Variants in AGMO observed in about 807,000 individuals in gnomAD.
The protein encoded by AGMO is alkylglycerol monooxygenase.
In AGMO, 75 loss-of-function variants were observed where a neutral mutation model predicts 60.2. The observed-to-expected ratio is 1.25, with a 90% CI of 1.03 to 1.51. AGMO has a LOEUF of 1.51. Ranked by LOEUF, AGMO falls within the 40% of genes most tolerant of loss-of-function variation. The pLI is 0.00. For missense variants in AGMO, 763 were observed against 525.5 expected (o/e 1.45, Z -4.42); for synonymous variants, 261 against 177.1 (o/e 1.47, Z -3.76).
intron 2 of AGMO, among the ~76,000 whole-genome samples, chr7:15,545,217 A>G (rs1784744627): frequency 6.6e-6 from 1 of 152,152 alleles, no homozygotes. Flanking sequence ...TTTTTCATGG[A>G]ACCCATACAA....
intron 12 of AGMO, among the ~76,000 whole-genome samples, chr7:15,246,059 G>A (rs554616931): frequency 6.6e-6 from 1 of 151,802 alleles, no homozygotes; most frequent in Non-Finnish European, 1.5e-5. Flanking sequence ...TTAAAAAAAA[G>A]CTGATTAAAT....
intron 5 of AGMO, among the ~76,000 whole-genome samples, chr7:15,394,391 T>C (rs1784284676): frequency 6.6e-6 from 1 of 152,090 alleles, no homozygotes; most frequent in Admixed American, 6.5e-5. Context: ...GCATGGTGAG[T>C]ATGGTGTCGT....
At position 15,226,368 on chromosome 7, in the gene AGMO, A is replaced by G. The variant is rs187506058; in HGVS notation, c.1264-25009T>C. Among the ~76,000 whole-genome samples, 172 of 152,248 alleles carry G rather than the reference A, an allele frequency of 1.1e-3. 2 individuals are homozygous for G. The highest frequency in any genetic ancestry group is 2.0e-3 in the Non-Finnish European group (135 of 67,990). On this transcript the variant is annotated intron_variant, in intron 12 of 12. Transcript: ENST00000342526. ...TAGCCATGTCAGACATGACCTTAGAAAAGTCAGTTAAGCTTTAAGATGACA... is the reference window on the plus strand; with the variant it reads ...TAGCCATGTCAGACATGACCTTAGAGAAGTCAGTTAAGCTTTAAGATGACA...
intron 5 of AGMO, among the ~76,000 whole-genome samples, chr7:15,407,214 G>T (rs2128491399): frequency 8.6e-6 from 1 of 115,614 alleles, no homozygotes; most frequent in South Asian, 2.9e-4. Context: ...GACTTGAAAG[G>T]CCCCTTTCTT....
intron 12 of AGMO, among the ~76,000 whole-genome samples, chr7:15,241,925 T>C (rs1163558139): frequency 6.6e-6 from 1 of 152,162 alleles, no homozygotes; most frequent in Non-Finnish European, 1.5e-5. Flanking sequence ...CTGAGTTTCC[T>C]GTTGCTGGCT....
At chr7:15,171,625 T>C in the AGMO span, among the ~76,000 whole-genome samples, 1 of 152,314 alleles carries the variant, frequency 6.6e-6, no homozygotes, top group Non-Finnish European at 1.5e-5. Flanking sequence ...AGCACTTTCT[T>C]TCACTAAACA....
At chr7:15,191,254 T>C in the AGMO span, among the ~76,000 whole-genome samples, 3 of 152,144 alleles carry the variant, frequency 2.0e-5, no homozygotes, top group Admixed American at 6.6e-5. Flanking sequence ...TGAAAAGAAG[T>C]AGAAACGCTA....
chr7:15,316,028 C>G (rs1029069827), intron 12 of AGMO, among the ~76,000 whole-genome samples: 3 of 151,938 alleles, frequency 2.0e-5, no homozygotes, highest in African/African-American at 7.3e-5. Context: ...TATTATCAAG[C>G]AGAACAGCAG....
the AGMO span, among the ~76,000 whole-genome samples, chr7:15,134,987 C>T: frequency 6.6e-6 from 1 of 151,602 alleles, no homozygotes; most frequent in African/African-American, 2.4e-5. Context: ...TTCAAGATTA[C>T]AGATATTAAA....
the AGMO span, among the ~76,000 whole-genome samples, chr7:15,137,842 GGAGGA>G: frequency 6.6e-6 from 1 of 152,116 alleles, no homozygotes; most frequent in African/African-American, 2.4e-5. Flanking sequence ...CATAGGTTAA[GGAGGA>G]GAGAGAGGGT....
the AGMO span, among the ~76,000 whole-genome samples, chr7:15,165,224 G>A: frequency 6.6e-6 from 1 of 152,070 alleles, no homozygotes; most frequent in Non-Finnish European, 1.5e-5. Flanking sequence ...CACTAGGGAT[G>A]CTAAAAGTGG....
At chr7:15,240,656 C>T (rs1459659422) in intron 12 of AGMO, among the ~76,000 whole-genome samples, 2 of 152,098 alleles carry the variant, frequency 1.3e-5, no homozygotes, top group Non-Finnish European at 2.9e-5. Flanking sequence ...CAATCACTCT[C>T]TCATATTCCA....
chr7:15,120,337 C>G, the AGMO span, among the ~76,000 whole-genome samples: 1 of 152,020 alleles, frequency 6.6e-6, no homozygotes, highest in African/African-American at 2.4e-5. Flanking sequence ...ATATCAGAAG[C>G]GTTTGACCCT....
intron 10 of AGMO, among the ~76,000 whole-genome samples, chr7:15,371,732 G>C (rs1299061091): frequency 6.6e-6 from 1 of 151,668 alleles, no homozygotes; most frequent in African/African-American, 2.4e-5. Context: ...TTGTAGAGAT[G>C]GGTTTTCACC....
chr7:15,510,329 C>T (rs1305507035), intron 3 of AGMO, among the ~76,000 whole-genome samples: 1 of 151,864 alleles, frequency 6.6e-6, no homozygotes, highest in Non-Finnish European at 1.5e-5. Flanking sequence ...CCATGCCTAG[C>T]TAAGTTTTTT....
intron 3 of AGMO, among the ~76,000 whole-genome samples, chr7:15,469,238 T>G (rs1001641249): frequency 1.3e-5 from 2 of 152,122 alleles, no homozygotes; most frequent in Non-Finnish European, 2.9e-5. Flanking sequence ...CTATTTTTTT[T>G]TTCATCGTCA....
intron 12 of AGMO, among the ~76,000 whole-genome samples, chr7:15,271,099 A>G (rs188351981): frequency 8.5e-4 from 130 of 152,214 alleles, no homozygotes; most frequent in Non-Finnish European, 1.6e-3. Flanking sequence ...AACTCAGGGA[A>G]TAAGATGCAT....
At chr7:15,175,930 AAT>A in the AGMO span, among the ~76,000 whole-genome samples, 2 of 151,948 alleles carry the variant, frequency 1.3e-5, no homozygotes, top group African/African-American at 4.8e-5. Flanking sequence ...ACTAAACTTT[AAT>A]ATGTTATATA....
At chr7:15,257,776 C>T (rs571748279) in intron 12 of AGMO, among the ~76,000 whole-genome samples, 1 of 152,142 alleles carries the variant, frequency 6.6e-6, no homozygotes. Flanking sequence ...TTAATAGCTA[C>T]TCTATCTAAA....
Sources: gnomAD v4.1 joint callset for allele counts (sites outside exome capture counted in the v4.1 genomes callset) on GRCh38, gnomAD v4.1.1 for gene constraint, MANE v1.5 for transcripts, NCBI Gene and HGNC (gene_info 2026-07-23, HGNC 2026-07-21) for gene names.